AHCY: variants seen among roughly 807,000 people sequenced by gnomAD.
AHCY encodes the protein adenosylhomocysteinase.
A neutral mutation model predicts 45.4 loss-of-function variants in AHCY; 24 were observed. That is an observed-to-expected ratio of 0.53 (90% CI 0.38 to 0.74). The LOEUF (loss-of-function observed/expected upper bound fraction) is 0.74. AHCY is among the 30% of genes least tolerant of loss of function. The pLI, the probability that AHCY is intolerant of heterozygous loss-of-function variation, is 0.00. For synonymous variants in AHCY, 245 were observed against 235.1 expected, an observed-to-expected ratio of 1.04 and a Z score of -0.39; for missense variants, 449 against 594.1, an observed-to-expected ratio of 0.76 and a Z score of 2.54.
chr20:34,254,648 T>C, the AHCY span, among the ~76,000 whole-genome samples: 1 of 152,186 alleles, frequency 6.6e-6, no homozygotes, highest in Non-Finnish European at 1.5e-5. Flanking sequence ...TATAGAAGCA[T>C]TAATATTTTC....
At chr20:34,307,325 A>G (rs1019754759), upstream of AHCY, among the ~76,000 whole-genome samples, 15 of 151,860 alleles carry the variant, frequency 9.9e-5, no homozygotes, top group African/African-American at 3.4e-4. Flanking sequence ...TCTGACCTCA[A>G]ATGATCCACC....
At chr20:34,275,131 C>CT in the AHCY span, among the ~76,000 whole-genome samples, 49 of 99,426 alleles carry the variant, frequency 4.9e-4, no homozygotes, top group South Asian at 1.1e-3. Flanking sequence ...TCTCTATTTT[C>CT]TTTTTTTTTT....
At chr20:34,286,691 G>GGCATGTAATGT (rs2036198224) in intron 8 of AHCY, among the ~76,000 whole-genome samples, 1 of 151,926 alleles carries the variant, frequency 6.6e-6, no homozygotes, top group Non-Finnish European at 1.5e-5. Flanking sequence ...AAATTAGCCA[G>GGCATGTAATGT]GCATGGTAGC....
intron 9 of AHCY, 128 bp from the exon 10 acceptor site, chr20:34,281,293 T>C: frequency 3.5e-6 from 5 of 1,419,156 alleles, no homozygotes; most frequent in Non-Finnish European, 4.8e-6. Context: ...ATGTTAACTC[T>C]TTCTATCCTC....
At chr20:34,258,696 C>CA in the AHCY span, among the ~76,000 whole-genome samples, 2 of 11,650 alleles carry the variant, frequency 1.7e-4, no homozygotes, top group South Asian at 7.9e-3. Flanking sequence ...TATATACATA[C>CA]TATATATATA....
chr20:34,243,924 G>A, the AHCY span, among the ~76,000 whole-genome samples: 3 of 152,078 alleles, frequency 2.0e-5, no homozygotes, highest in African/African-American at 7.2e-5. Flanking sequence ...AATTAACCGG[G>A]CGTGGTGGCG....
At chr20:34,282,466 A>G (rs945583490) in intron 9 of AHCY, among the ~76,000 whole-genome samples, 3 of 152,318 alleles carry the variant, frequency 2.0e-5, no homozygotes, top group African/African-American at 2.4e-5. Context: ...AACTGAAATA[A>G]TAAATATTTA....
Position 34,303,273 on chromosome 20 carries a change from T to G in AHCY, c.-3A>C. The stretch of plus-strand genomic sequence containing the variant: ...TTGTAGGGCAGTTTGTCAGACATGC[T>G]GGCGGCACTCGTGATGGAAACGGGC... On this transcript the variant is annotated 5_prime_UTR_variant, in exon 1 of 10. Transcript: ENST00000217426. The G allele has an allele frequency of 1.3e-6, 2 of 1,551,726 alleles. No individual in the cohort carries two copies. Among genetic ancestry groups the G allele is most frequent in the Non-Finnish European group, 1.7e-6 (2 of 1,146,998 alleles).
the AHCY span, chr20:34,246,215 GTCT>G: frequency 4.8e-6 from 7 of 1,463,042 alleles, no homozygotes; most frequent in East Asian, 2.4e-5. Context: ...TTGTGGTATG[GTCT>G]TCTTTTTTTG....
chr20:34,290,655 G>T lies in AHCY; in HGVS notation c.767-17C>A. 2 of 1,614,052 alleles carry T rather than the reference G, an allele frequency of 1.2e-6. No homozygotes were observed. The highest frequency in any genetic ancestry group is 1.7e-6 in the Non-Finnish European group (2 of 1,179,994). On this transcript the variant is annotated splice_polypyrimidine_tract_variant and intron_variant, in intron 6 of 9. Transcript: ENST00000217426. The surrounding 1 kb of genome is among the most constrained non-coding windows in gnomAD (Gnocchi z 4.5). ...CCTCATAGCCTGTGCAGAGACAGTG[G>T]CTGTGGGTCATCTACGGTGGCCTTG...
At chr20:34,268,959 C>T in the AHCY span, 2 of 1,574,402 alleles carry the variant, frequency 1.3e-6, no homozygotes, top group East Asian at 2.3e-5. Flanking sequence ...TGGGCGTGGC[C>T]GGCTCATAAA....
At chr20:34,278,006 T>C (rs1243593450), downstream of AHCY, among the ~76,000 whole-genome samples, 1 of 152,184 alleles carries the variant, frequency 6.6e-6, no homozygotes, top group Admixed American at 6.5e-5. Context: ...TAGGCCTGGA[T>C]ACTGCAGGAC....
Position 34,280,884 on chromosome 20 carries a change from A to G in AHCY, c.*150T>C. On this transcript the variant is annotated 3_prime_UTR_variant, in exon 10 of 10. Coordinates refer to ENST00000217426, the MANE Select transcript of AHCY (RefSeq NM_000687.4). Reference sequence around the variant, plus strand: ...ACATTTGGAACAGTATGACGGCTGCAGCAGAGGCCAAAAACTAAGTGATCA... The same window carrying G: ...ACATTTGGAACAGTATGACGGCTGCGGCAGAGGCCAAAAACTAAGTGATCA... 8.2e-7 allele frequency: 1 copy of G among 1,218,738 alleles called. No individual in the cohort carries two copies. The highest frequency in any genetic ancestry group is 1.2e-6 in the Non-Finnish European group (1 of 862,188). 75.5% of individuals were successfully genotyped at this position (1,218,738 alleles called of 1,614,324 possible).
chr20:34,266,869 T>G, the AHCY span, among the ~76,000 whole-genome samples: 1 of 152,198 alleles, frequency 6.6e-6, no homozygotes, highest in African/African-American at 2.4e-5. Flanking sequence ...GTTCCCACTT[T>G]GGGAAATACT....
chr20:34,285,205 G>A (rs1329430937), intron 9 of AHCY, among the ~76,000 whole-genome samples: 1 of 152,126 alleles, frequency 6.6e-6, no homozygotes, highest in Non-Finnish European at 1.5e-5. Context: ...CAAGGCCCAG[G>A]CTCTCCTCAC....
At chr20:34,256,724 C>T in the AHCY span, among the ~76,000 whole-genome samples, 36,537 of 152,130 alleles carry the variant, frequency 0.24, 7,252 homozygotes, top group African/African-American at 0.54. Context: ...AATAACTACA[C>T]GTACCGCCTC....
chr20:34,275,679 TTTC>T (rs1487131609), downstream of AHCY, among the ~76,000 whole-genome samples: 7 of 141,648 alleles, frequency 4.9e-5, no homozygotes, highest in East Asian at 1.4e-3. Context: ...GCTTTATATC[TTTC>T]TTTTTTTTTT....
the AHCY span, chr20:34,268,993 G>A: frequency 1.2e-6 from 2 of 1,604,050 alleles, no homozygotes; most frequent in South Asian, 2.2e-5. Flanking sequence ...CCACGCAGAA[G>A]GAGGCTTCGA....
chr20:34,260,772 A>T, the AHCY span, among the ~76,000 whole-genome samples: 10 of 152,250 alleles, frequency 6.6e-5, no homozygotes, highest in African/African-American at 1.9e-4. Context: ...CCTGAAGTTA[A>T]GACACTTGGT....
Sources: allele counts gnomAD v4.1 joint callset (sites outside exome capture counted in the v4.1 genomes callset), GRCh38; gene constraint gnomAD v4.1.1; non-coding constraint Gnocchi (gnomAD v3.1); transcripts MANE v1.5; gene names NCBI Gene and HGNC (gene_info 2026-07-23, HGNC 2026-07-21).